The following CNMD variants were observed in gnomAD, a reference collection of about 807,000 sequenced individuals.
The protein encoded by CNMD is chondromodulin.
CNMD carries 30 observed loss-of-function variants against 37.5 expected under a neutral mutation model. The ratio of observed to expected loss-of-function variants is 0.80; its 90% CI spans 0.60 to 1.09. The LOEUF is 1.09. Among genes scored for constraint, CNMD ranks in the 50% least tolerant of loss-of-function variants. The probability of loss-of-function intolerance (pLI) is 0.00; values close to 1 mark genes in which losing one functional copy is unlikely to be tolerated. For synonymous variants in CNMD, 167 were observed against 148.2 expected, an observed-to-expected ratio of 1.13 and a Z score of -0.92; for missense variants, 398 against 423.9, an observed-to-expected ratio of 0.94 and a Z score of 0.54.
chr13:52,708,030 G>T (rs1168898706), intron 6 of CNMD, among the ~76,000 whole-genome samples: 1 of 151,886 alleles, frequency 6.6e-6, no homozygotes, highest in Non-Finnish European at 1.5e-5. Context: ...CAGGAGAATT[G>T]CTTGAACCTG....
intron 4 of CNMD, among the ~76,000 whole-genome samples, chr13:52,719,000 T>C (rs144455909): frequency 0.01 from 1,590 of 152,300 alleles, 25 homozygotes; most frequent in African/African-American, 0.036. Flanking sequence ...GCTTTATGAA[T>C]CTGGGTGCTC....
At chr13:52,709,671 T>G (rs977185641) in intron 5 of CNMD, among the ~76,000 whole-genome samples, 19 of 152,238 alleles carry the variant, frequency 1.2e-4, no homozygotes, top group African/African-American at 4.6e-4. Context: ...GGCTGATGGC[T>G]GCCAATTAAC....
intron 2 of CNMD, 33 bp downstream of exon 2, chr13:52,738,998 C>A (rs747403589): frequency 2.0e-6 from 3 of 1,537,884 alleles, no homozygotes; most frequent in South Asian, 1.2e-5. Flanking sequence ...ATGGGCGACA[C>A]GGGGGTCCCC....
intron 2 of CNMD, among the ~76,000 whole-genome samples, chr13:52,737,844 A>T (rs2138285442): frequency 6.6e-6 from 1 of 152,362 alleles, no homozygotes; most frequent in Middle Eastern, 3.4e-3. Flanking sequence ...ATACAAATAC[A>T]TTAAGGCACT....
intron 4 of CNMD, among the ~76,000 whole-genome samples, chr13:52,723,621 C>G (rs545216619): frequency 2.1e-4 from 32 of 152,268 alleles, no homozygotes; most frequent in Admixed American, 1.9e-3. Context: ...TATCCAGGTA[C>G]TAGAAACCAA....
chr13:52,731,503 A>G (rs1566231066), intron 3 of CNMD, among the ~76,000 whole-genome samples: 1 of 152,184 alleles, frequency 6.6e-6, no homozygotes, highest in Non-Finnish European at 1.5e-5. Context: ...TGTTCTACTC[A>G]CCAGTTCTGA....
chr13:52,705,361 C>T (rs534489216), intron 6 of CNMD, among the ~76,000 whole-genome samples: 1 of 152,282 alleles, frequency 6.6e-6, no homozygotes, highest in South Asian at 2.1e-4. Flanking sequence ...TTGCCATTAT[C>T]ACAAAATTAA....
chr13:52,732,818 G>T (rs1255881157), intron 3 of CNMD, among the ~76,000 whole-genome samples: 2 of 152,124 alleles, frequency 1.3e-5, no homozygotes, highest in East Asian at 3.8e-4. Flanking sequence ...ATTCCAAGAA[G>T]AACCTGCTCT....
At position 52,712,869 on chromosome 13, in the gene CNMD, C is replaced by A; in HGVS notation, c.469G>T (p.Glu157Ter). ...VTKQSISSKL[E>*]GKIMPVKYEE... is the part of the protein sequence containing the mutation. ...TATTTGACTGGCATGATCTTGCCTT[C>A]CTGAAAGTAAAAACGATTGCATTTG... is the stretch of plus-strand genomic sequence containing the variant. The change falls in exon 5 of 7, where the codon GAA becomes TAA. Residue 157 changes from glutamate (E) to a stop codon, truncating the protein, a stop_gained and splice_region_variant. Transcript: ENST00000377962. LOFTEE classifies it high-confidence loss of function. The A allele has an allele frequency of 6.5e-7, 1 of 1,547,858 alleles. No homozygotes were observed. The highest frequency in any genetic ancestry group is 1.3e-5 in the South Asian group (1 of 78,486).
Position 52,739,624 on chromosome 13 carries a change from A to T in CNMD, c.72+6T>A, listed in dbSNP as rs1480954524. 1 of 1,612,444 alleles carries T rather than the reference A, an allele frequency of 6.2e-7. No individual in the cohort carries two copies. Among genetic ancestry groups the T allele is most frequent in the East Asian group, 2.2e-5 (1 of 44,860 alleles). ...CCCTGCGTGTGGAATCCCTGGCGGT[A>T]CTCACCGGGGGGCTGCAGAATTCCA... On this transcript the variant is annotated splice_donor_region_variant and intron_variant, in intron 1 of 6. Coordinates refer to ENST00000377962, the MANE Select transcript of CNMD (RefSeq NM_007015.3). This position sits in a 1 kb window ranked among gnomAD's most constrained non-coding sequence, Gnocchi z 5.4.
At chr13:52,727,191 C>T (rs1182371744) in intron 3 of CNMD, among the ~76,000 whole-genome samples, 1 of 152,118 alleles carries the variant, frequency 6.6e-6, no homozygotes, top group Non-Finnish European at 1.5e-5. Flanking sequence ...ATCGCTTGAA[C>T]TCAGGAGGTG....
chr13:52,730,150 A>T (rs1964640646), intron 3 of CNMD, among the ~76,000 whole-genome samples: 1 of 151,892 alleles, frequency 6.6e-6, no homozygotes, highest in Non-Finnish European at 1.5e-5. Context: ...AAGGACATGA[A>T]CTCATCATTT....
At chr13:52,718,813 G>A (rs1451497747) in intron 4 of CNMD, among the ~76,000 whole-genome samples, 2 of 152,218 alleles carry the variant, frequency 1.3e-5, no homozygotes, top group African/African-American at 2.4e-5. Flanking sequence ...TTGATTTGGA[G>A]TGGAGAGTTC....
Position 52,739,534 on chromosome 13 carries a change from A to G in CNMD, c.72+96T>C. 2.7e-6 allele frequency: 3 copies of G among 1,116,632 alleles called. No individual in the cohort carries two copies. The highest frequency in any genetic ancestry group is 2.6e-5 in the South Asian group (2 of 77,610). The allele number at this position is 1,116,632 out of a possible 1,614,324, so 69.2% of individuals were successfully genotyped here. On this transcript the variant is annotated intron_variant, in intron 1 of 6. Coordinates refer to ENST00000377962, the MANE Select transcript of CNMD (RefSeq NM_007015.3). This position sits in a 1 kb window ranked among gnomAD's most constrained non-coding sequence, Gnocchi z 5.4. ...GACCCAAATTTATCCCCCCGCCAAC[A>G]CACCCATTCGGTGGCACGCACCCCT...
At chr13:52,719,424 A>G (rs192817255) in intron 4 of CNMD, among the ~76,000 whole-genome samples, 125 of 152,288 alleles carry the variant, frequency 8.2e-4, no homozygotes, top group African/African-American at 2.9e-3. Context: ...CATAGTGTTG[A>G]TGGTCTTTAC....
chr13:52,733,859 G>T (rs778873860), intron 2 of CNMD, among the ~76,000 whole-genome samples: 5 of 152,234 alleles, frequency 3.3e-5, no homozygotes, highest in Non-Finnish European at 5.9e-5. Context: ...TTCACAAGTT[G>T]TTTTCATCCT....
intron 4 of CNMD, among the ~76,000 whole-genome samples, chr13:52,721,011 A>T (rs1048791728): frequency 1.3e-5 from 2 of 152,116 alleles, no homozygotes; most frequent in African/African-American, 4.8e-5. Context: ...GGAGAGGAGG[A>T]ATCTAGAGAG....
chr13:52,730,410 A>G (rs1448579639), intron 3 of CNMD, among the ~76,000 whole-genome samples: 5 of 152,044 alleles, frequency 3.3e-5, no homozygotes. Context: ...TGACTTCCAC[A>G]ATGGTTGAAC....
At chr13:52,730,538 C>T (rs1236963283) in intron 3 of CNMD, among the ~76,000 whole-genome samples, 1 of 151,922 alleles carries the variant, frequency 6.6e-6, no homozygotes, top group East Asian at 1.9e-4. Flanking sequence ...GATGGTATCT[C>T]ATTGTGGTTT....
Sources: gnomAD v4.1 joint callset for allele counts (sites outside exome capture counted in the v4.1 genomes callset) on GRCh38, gnomAD v4.1.1 for gene constraint, Gnocchi (gnomAD v3.1) non-coding constraint, MANE v1.5 for transcripts, NCBI Gene and HGNC (gene_info 2026-07-23, HGNC 2026-07-21) for gene names.